Variants in BMP2K observed in about 807,000 individuals in gnomAD.
BMP2K encodes BMP-2-inducible protein kinase.
In BMP2K, 74 loss-of-function variants were observed where a neutral mutation model predicts 116.0. That is an observed-to-expected ratio of 0.64 (90% CI 0.53 to 0.77). The LOEUF (loss-of-function observed/expected upper bound fraction) is 0.77. Among genes scored for constraint, BMP2K ranks in the 30% least tolerant of loss-of-function variants. BMP2K has a pLI of 0.00. For synonymous variants in BMP2K, 486 were observed against 502.5 expected, an observed-to-expected ratio of 0.97 and a Z score of 0.44; for missense variants, 1,365 against 1,403.6, an observed-to-expected ratio of 0.97 and a Z score of 0.44.
intron 4 of BMP2K, among the ~76,000 whole-genome samples, chr4:78,843,883 C>T (rs1183366357): frequency 6.6e-6 from 1 of 151,672 alleles, no homozygotes; most frequent in Non-Finnish European, 1.5e-5. Flanking sequence ...TTGTATTGTC[C>T]ATATTTTATA....
intron 8 of BMP2K, among the ~76,000 whole-genome samples, chr4:78,860,770 C>CTTTTTTTTTTTTTT (rs139384663): frequency 9.8e-6 from 1 of 101,920 alleles, no homozygotes; most frequent in Non-Finnish European, 1.9e-5. Flanking sequence ...GGTACCTTTC[C>CTTTTTTTTTTTTTT]TTTTTTTTTT....
chr4:78,906,222 C>T (rs1242532199), intron 15 of BMP2K: 3 of 152,078 alleles, frequency 2.0e-5, no homozygotes, highest in Admixed American at 1.3e-4. Context: ...CTCATTACTG[C>T]TCTTTACTTT....
At chr4:78,812,211 C>G (rs1019097093) in intron 1 of BMP2K, among the ~76,000 whole-genome samples, 1 of 152,140 alleles carries the variant, frequency 6.6e-6, no homozygotes, top group Admixed American at 6.5e-5. Context: ...TCACGTGATC[C>G]ACCCACCTCG....
In BMP2K at chr4:78,776,520, G is replaced by A; in HGVS notation, c.-24G>A. 8.8e-7 allele frequency: 1 copy of A among 1,136,360 alleles called. No homozygotes were observed. Among genetic ancestry groups the A allele is most frequent in the Non-Finnish European group, 1.1e-6 (1 of 923,926 alleles). The allele number at this position is 1,136,360 out of a possible 1,614,324, so 70.4% of individuals were successfully genotyped here. ...GGACTTGCCCTTGCACGCTCCCTGC[G>A]CCCTCCAGCTCGCCGGCGGGACCAT... On this transcript the variant is annotated 5_prime_UTR_variant, in exon 1 of 16. Transcript: ENST00000502613.
chr4:78,876,282 G>A (rs1471437361), intron 13 of BMP2K, among the ~76,000 whole-genome samples: 3 of 151,782 alleles, frequency 2.0e-5, no homozygotes, highest in Admixed American at 1.3e-4. Flanking sequence ...AATTTTCTGG[G>A]TAAAAACATC....
Position 78,776,698 on chromosome 4 carries a change from C to T in BMP2K, c.155C>T (p.Thr52Ile). The change falls in exon 1 of 16, where the codon ACC (threonine) becomes ATC (isoleucine). Residue 52 changes from threonine (T) to isoleucine (I), a missense_variant. Thr to Ile is a moderately conservative substitution (Grantham distance 89). Coordinates refer to ENST00000502613, the MANE Select transcript of BMP2K (RefSeq NM_198892.2). Reference protein sequence around the residue: ...RVFAVGRHQVTLEESLAEGGF... With the variant: ...RVFAVGRHQVILEESLAEGGF... ...TTCGCGGTCGGCCGCCACCAGGTCACCCTGGAAGAGTCGCTGGCCGAAGGT... is the reference window on the plus strand; with the variant it reads ...TTCGCGGTCGGCCGCCACCAGGTCATCCTGGAAGAGTCGCTGGCCGAAGGT... 7.9e-7 allele frequency: 1 copy of T among 1,262,036 alleles called. No individual in the cohort carries two copies. The highest frequency in any genetic ancestry group is 3.8e-5 in the South Asian group (1 of 26,122). 78.2% of individuals were successfully genotyped at this position (1,262,036 alleles called of 1,614,324 possible). A position where few individuals can be genotyped will look rare whatever the true frequency, so the allele number is the denominator to read the frequency against.
chr4:78,787,922 TGC>T (rs569861926), intron 1 of BMP2K, among the ~76,000 whole-genome samples: 130 of 152,322 alleles, frequency 8.5e-4, no homozygotes, highest in African/African-American at 3.1e-3. Flanking sequence ...GCTTTATTTT[TGC>T]TGGTTGGACC....
At chr4:78,849,479 A>T (rs935389159) in intron 6 of BMP2K, among the ~76,000 whole-genome samples, 1 of 151,656 alleles carries the variant, frequency 6.6e-6, no homozygotes, top group African/African-American at 2.4e-5. Context: ...AACACAAGAC[A>T]AATTCCTAAA....
At chr4:78,901,255 C>G (rs1005120509) in intron 15 of BMP2K, among the ~76,000 whole-genome samples, 1 of 148,968 alleles carries the variant, frequency 6.7e-6, no homozygotes, top group African/African-American at 2.5e-5. Context: ...GAGACTAGGT[C>G]TTACTATGTT....
In BMP2K at chr4:78,912,684, T is replaced by A. The variant is rs1734713558; in HGVS notation, c.*651T>A. On this transcript the variant is annotated 3_prime_UTR_variant, in exon 16 of 16. Coordinates refer to ENST00000502613, the MANE Select transcript of BMP2K (RefSeq NM_198892.2). Reference sequence around the variant, plus strand: ...GCATATGAAATAATGTGTAATTAGCTCAATTTAACTATTCCACAACTTACA... The same window carrying A: ...GCATATGAAATAATGTGTAATTAGCACAATTTAACTATTCCACAACTTACA... The A allele has an allele frequency of 6.6e-6, 1 of 152,192 alleles. No homozygotes were observed. Among genetic ancestry groups the A allele is most frequent in the Non-Finnish European group, 1.5e-5 (1 of 68,032 alleles). 9.4% of individuals were successfully genotyped at this position (152,192 alleles called of 1,614,324 possible).
At chr4:78,897,916 A>T (rs1733787691) in intron 15 of BMP2K, among the ~76,000 whole-genome samples, 1 of 152,234 alleles carries the variant, frequency 6.6e-6, no homozygotes, top group Admixed American at 6.5e-5. Flanking sequence ...AACTACATGC[A>T]ATTAAGATGC....
At chr4:78,811,636 C>A (rs1007589673) in intron 1 of BMP2K, among the ~76,000 whole-genome samples, 2 of 152,170 alleles carry the variant, frequency 1.3e-5, no homozygotes, top group African/African-American at 2.4e-5. Flanking sequence ...AGGTAATAAG[C>A]TTAATCTTTT....
At position 78,859,913 on chromosome 4, in the gene BMP2K, T is replaced by C. The variant is rs1731688594; in HGVS notation, c.987+226T>C. ...AGCTGCAGCAGACTCAGGCAGAATA[T>C]TTTGCATTTTTGAGGAAAACACAGG... On this transcript the variant is annotated intron_variant, in intron 8 of 15. Coordinates refer to ENST00000502613, the MANE Select transcript of BMP2K (RefSeq NM_198892.2). The C allele has an allele frequency of 3.0e-5, 17 of 559,928 alleles. No individual in the cohort carries two copies. In the South Asian group the frequency reaches 3.4e-4, roughly 11 times the overall value. 34.7% of individuals were successfully genotyped at this position (559,928 alleles called of 1,614,324 possible). A position where few individuals can be genotyped will look rare whatever the true frequency, so the allele number is the denominator to read the frequency against.
intron 13 of BMP2K, among the ~76,000 whole-genome samples, chr4:78,873,859 C>T (rs1732504336): frequency 6.6e-6 from 1 of 151,952 alleles, no homozygotes; most frequent in African/African-American, 2.4e-5. Context: ...AAGGAGAGAG[C>T]AGAGTATAGG....
Position 78,844,936 on chromosome 4 carries a change from T to C in BMP2K, c.555T>C (p.Asn185=). Residue 185 remains asparagine (N), a synonymous_variant, in exon 5 of 16, where the codon AAT becomes AAC. Transcript: ENST00000502613. ...PIIHRDLKVE[N]ILLNDGGNYV... ...GATTTTCTTTTCTTAAGGTAGAAAA[T>C]ATTTTGTTGAATGATGGTGGGAACT... is the stretch of plus-strand genomic sequence containing the variant. The C allele has an allele frequency of 1.9e-6, 3 of 1,595,720 alleles. No individual in the cohort carries two copies. The highest frequency in any genetic ancestry group is 2.6e-6 in the Non-Finnish European group (3 of 1,166,076).
intron 10 of BMP2K, among the ~76,000 whole-genome samples, chr4:78,869,597 CA>C (rs1420386951): frequency 6.6e-6 from 1 of 152,052 alleles, no homozygotes; most frequent in Non-Finnish European, 1.5e-5. Flanking sequence ...GATCACTATG[CA>C]AAATATGTAT....
intron 1 of BMP2K, among the ~76,000 whole-genome samples, chr4:78,791,998 T>C (rs1446967537): frequency 6.6e-6 from 1 of 152,212 alleles, no homozygotes; most frequent in African/African-American, 2.4e-5. Context: ...ATTCTATGTT[T>C]AATGTTTTTG....
chr4:78,778,154 AG>A (rs1397007145), intron 1 of BMP2K, among the ~76,000 whole-genome samples: 1 of 152,222 alleles, frequency 6.6e-6, no homozygotes, highest in South Asian at 2.1e-4. Context: ...ATTGAAATGT[AG>A]CTTGAGTAGT....
intron 15 of BMP2K, 167 bp downstream of exon 15, chr4:78,887,451 G>A: frequency 1.7e-6 from 1 of 595,776 alleles, no homozygotes; most frequent in Non-Finnish European, 2.9e-6. Flanking sequence ...TTTGCATTGA[G>A]TTATTATTCA....
Sources: gnomAD v4.1 joint callset for allele counts (sites outside exome capture counted in the v4.1 genomes callset) on GRCh38, gnomAD v4.1.1 for gene constraint, MANE v1.5 for transcripts, NCBI Gene and HGNC (gene_info 2026-07-23, HGNC 2026-07-21) for gene names.